CCSER1: variants seen among roughly 807,000 people sequenced by gnomAD.
CCSER1 encodes coiled-coil serine rich protein 1.
In CCSER1, 41 loss-of-function variants were observed where a neutral mutation model predicts 82.0. That is an observed-to-expected ratio of 0.50 (90% confidence interval 0.39 to 0.65). The LOEUF is 0.65. CCSER1 is among the 30% of genes least tolerant of loss of function. CCSER1 has a pLI of 0.00. For synonymous variants in CCSER1, 414 were observed against 383.9 expected, an observed-to-expected ratio of 1.08 and a Z score of -0.92; for missense variants, 1,119 against 1,064.2, an observed-to-expected ratio of 1.05 and a Z score of -0.72.
chr4:91,465,760 G>T (rs1756859376), intron 10 of CCSER1, among the ~76,000 whole-genome samples: 1 of 152,236 alleles, frequency 6.6e-6, no homozygotes, highest in Non-Finnish European at 1.5e-5. Flanking sequence ...TGGAAGAAAT[G>T]GACAAATTCC....
At chr4:90,566,142 G>C (rs1357867424) in intron 5 of CCSER1, among the ~76,000 whole-genome samples, 1 of 151,508 alleles carries the variant, frequency 6.6e-6, no homozygotes, top group Non-Finnish European at 1.5e-5. Context: ...ACAGGCATCA[G>C]CCACCACACC....
At chr4:90,645,115 C>A (rs1319580241) in intron 6 of CCSER1, among the ~76,000 whole-genome samples, 6 of 151,574 alleles carry the variant, frequency 4.0e-5, no homozygotes, top group African/African-American at 1.5e-4. Flanking sequence ...GACACGATCT[C>A]ATTCTTTTGC....
chr4:90,635,285 A>T (rs920426449), intron 6 of CCSER1, among the ~76,000 whole-genome samples: 4 of 151,696 alleles, frequency 2.6e-5, no homozygotes, highest in African/African-American at 9.7e-5. Flanking sequence ...TGCGAGTGGA[A>T]CATCGTCAAG....
intron 10 of CCSER1, among the ~76,000 whole-genome samples, chr4:91,573,446 G>C (rs902915129): frequency 1.3e-5 from 2 of 152,180 alleles, no homozygotes; most frequent in African/African-American, 2.4e-5. Flanking sequence ...TAAGGCTCCA[G>C]GGTCTCCACG....
At chr4:91,130,262 CAT>C (rs1284798382) in intron 10 of CCSER1, among the ~76,000 whole-genome samples, 1 of 151,714 alleles carries the variant, frequency 6.6e-6, no homozygotes, top group East Asian at 1.9e-4. Context: ...ATTTTAAAAA[CAT>C]TAATTAATGT....
chr4:90,509,385 G>A (rs1217767266), intron 5 of CCSER1, among the ~76,000 whole-genome samples: 1 of 152,056 alleles, frequency 6.6e-6, no homozygotes, highest in African/African-American at 2.4e-5. Context: ...GTGATGCATT[G>A]TTCCATATCC....
At chr4:90,198,327 A>C (rs1314456012) in intron 1 of CCSER1, among the ~76,000 whole-genome samples, 1 of 152,066 alleles carries the variant, frequency 6.6e-6, no homozygotes, top group Non-Finnish European at 1.5e-5. Context: ...TAGTCATCTA[A>C]TCAGCATGAA....
intron 4 of CCSER1, among the ~76,000 whole-genome samples, chr4:90,442,989 G>A (rs1196944657): frequency 6.6e-6 from 1 of 152,116 alleles, no homozygotes; most frequent in Admixed American, 6.6e-5. Context: ...CCCAGTAGAT[G>A]TCTGAAAATG....
At chr4:90,411,373 C>T (rs1007238369) in intron 4 of CCSER1, among the ~76,000 whole-genome samples, 4 of 152,178 alleles carry the variant, frequency 2.6e-5, no homozygotes, top group Admixed American at 1.3e-4. Context: ...CAAAAATCCT[C>T]AATAAAATAC....
chr4:90,912,143 G>T (rs562260018), intron 8 of CCSER1, among the ~76,000 whole-genome samples: 10 of 152,308 alleles, frequency 6.6e-5, no homozygotes, highest in African/African-American at 2.2e-4. Context: ...GTTTCTTCCA[G>T]CACGGAGCTT....
chr4:90,355,464 CTGTTAAAAT>C (rs1422172586), intron 3 of CCSER1, among the ~76,000 whole-genome samples: 11 of 151,944 alleles, frequency 7.2e-5, no homozygotes, highest in Non-Finnish European at 1.5e-5. Flanking sequence ...CCTATAAAGG[CTGTTAAAAT>C]CTGTCTGTAA....
chr4:90,190,051 G>A lies in CCSER1; in HGVS notation c.-42+62220G>A, dbSNP rs116104303. Among the ~76,000 whole-genome samples, 401 of 152,030 alleles carry A rather than the reference G, an allele frequency of 2.6e-3. 1 individual carries two copies. Among genetic ancestry groups the A allele is most frequent in the African/African-American group, 8.5e-3 (351 of 41,504 alleles). ...TTTCTGGCATAGTCATTCTGATAGC[G>A]GCATGAGACTGCAGAGGATTAAACA... On this transcript the variant is annotated intron_variant, in intron 1 of 10. Coordinates refer to ENST00000509176, the MANE Select transcript of CCSER1 (RefSeq NM_001145065.2).
At chr4:91,035,227 A>G (rs976875272) in intron 9 of CCSER1, among the ~76,000 whole-genome samples, 1 of 152,278 alleles carries the variant, frequency 6.6e-6, no homozygotes, top group South Asian at 2.1e-4. Context: ...TTAAACATTC[A>G]TGGAACTGAA....
intron 1 of CCSER1, among the ~76,000 whole-genome samples, chr4:90,217,845 G>C (rs866895888): frequency 8.5e-5 from 13 of 152,058 alleles, no homozygotes; most frequent in Middle Eastern, 3.4e-3. Flanking sequence ...ACCCAGGCTG[G>C]AGTGCAGTGG....
intron 10 of CCSER1, among the ~76,000 whole-genome samples, chr4:91,203,687 G>A (rs974387177): frequency 1.3e-5 from 2 of 151,780 alleles, no homozygotes; most frequent in African/African-American, 4.8e-5. Flanking sequence ...AAGTTTCTGG[G>A]TGGAAGAGTA....
chr4:91,085,990 G>A lies in CCSER1; in HGVS notation c.2213G>A (p.Arg738Lys). ...AGACTAGAGACAGTACAAGGAGGGA[G>A]AGAGGTAAGAATGTTTAAAGAAGAG... ...LKRLETVQGG[R>K]EATYRNRIVS... The change falls in exon 10 of 11, where the codon AGA (arginine) becomes AAA (lysine). Residue 738 changes from arginine (R) to lysine (K), a missense_variant. By Grantham distance (26) the Arg-to-Lys change is conservative. Coordinates refer to ENST00000509176, the MANE Select transcript of CCSER1 (RefSeq NM_001145065.2). 6.6e-7 allele frequency: 1 copy of A among 1,525,358 alleles called. No individual in the cohort carries two copies. The allele number at this position is 1,525,358 out of a possible 1,614,324, so 94.5% of individuals were successfully genotyped here.
At chr4:91,345,487 T>A (rs74619683) in intron 10 of CCSER1, among the ~76,000 whole-genome samples, 47,878 of 152,090 alleles carry the variant, frequency 0.31, 8,192 homozygotes, top group Middle Eastern at 0.43. Flanking sequence ...TAGGTAAACC[T>A]TTGCAACAAA....
chr4:91,335,338 C>T (rs1312881913), intron 10 of CCSER1, among the ~76,000 whole-genome samples: 1 of 152,056 alleles, frequency 6.6e-6, no homozygotes, highest in Non-Finnish European at 1.5e-5. Context: ...ACCCTGTCCC[C>T]ACATCCAGAC....
intron 10 of CCSER1, among the ~76,000 whole-genome samples, chr4:91,127,498 A>G (rs1300192514): frequency 6.6e-6 from 1 of 152,062 alleles, no homozygotes; most frequent in Non-Finnish European, 1.5e-5. Context: ...TGTTGCAGGC[A>G]CAAATTTGCA....
Sources: allele counts gnomAD v4.1 joint callset (sites outside exome capture counted in the v4.1 genomes callset), GRCh38; gene constraint gnomAD v4.1.1; transcripts MANE v1.5; gene names NCBI Gene and HGNC (gene_info 2026-07-23, HGNC 2026-07-21).